The following GRM7 variants were observed in gnomAD, a reference collection of about 807,000 sequenced individuals.
GRM7 encodes the protein glutamate metabotropic receptor 7, also known as metabotropic glutamate receptor 7.
A neutral mutation model predicts 84.5 loss-of-function variants in GRM7; 35 were observed. The observed-to-expected ratio is 0.41, with a 90% CI of 0.32 to 0.55. GRM7 has a LOEUF of 0.55. Ranked by LOEUF, GRM7 falls within the 20% of genes least tolerant of loss-of-function variation. GRM7 has a pLI of 0.19. For synonymous variants in GRM7, 487 were observed against 455.1 expected (o/e 1.07, Z -0.89); for missense variants, 1,003 against 1,194.6 (o/e 0.84, Z 2.36).
chr3:7,309,194 C>G (rs1434585621), intron 4 of GRM7, among the ~76,000 whole-genome samples: 1 of 152,146 alleles, frequency 6.6e-6, no homozygotes, highest in Non-Finnish European at 1.5e-5. Flanking sequence ...ACTTTCGTAG[C>G]AGACAGAACA....
intron 4 of GRM7, among the ~76,000 whole-genome samples, chr3:7,389,848 A>G (rs1323995636): frequency 6.6e-6 from 1 of 151,980 alleles, no homozygotes; most frequent in Non-Finnish European, 1.5e-5. Flanking sequence ...TTTGCATTCA[A>G]AGTTAATATT....
rs537550842 is a variant in GRM7 at position 7,523,705 on chromosome 3, G to A, written c.1516-54717G>A. Among the ~76,000 whole-genome samples, 6 of 152,194 alleles carry A rather than the reference G, an allele frequency of 3.9e-5. No individual in the cohort carries two copies. In the East Asian group the frequency reaches 7.7e-4, roughly 20 times the overall value. ...AATCTTCAAGATCTCAACAGAGACC[G>A]TTTTAGAAAAGCTAGTCATCAAATT... On this transcript the variant is annotated intron_variant, in intron 7 of 9. Coordinates refer to ENST00000357716, the MANE Select transcript of GRM7 (RefSeq NM_000844.4).
intron 8 of GRM7, among the ~76,000 whole-genome samples, chr3:7,602,805 T>C (rs1696382346): frequency 6.6e-6 from 1 of 152,194 alleles, no homozygotes; most frequent in African/African-American, 2.4e-5. Context: ...GTTTTGTGCT[T>C]TGATGCGTCT....
chr3:7,075,496 A>ACGTGTGTG (rs1491399036), intron 1 of GRM7, among the ~76,000 whole-genome samples: 1,412 of 138,576 alleles, frequency 0.01, 51 homozygotes, highest in African/African-American at 0.035. Context: ...TGCTTCTCAG[A>ACGTGTGTG]TGTGTGTGTG....
chr3:7,519,837 G>A (rs979549125), intron 7 of GRM7: 2 of 152,256 alleles, frequency 1.3e-5, no homozygotes, highest in African/African-American at 2.4e-5. Flanking sequence ...AAAGCTGAGT[G>A]GTAGAATCAT....
At chr3:7,653,337 A>G (rs931508846) in intron 8 of GRM7, among the ~76,000 whole-genome samples, 4 of 152,090 alleles carry the variant, frequency 2.6e-5, no homozygotes, top group African/African-American at 4.8e-5. Flanking sequence ...CAGAAAATGT[A>G]TAATTCTGAT....
intron 1 of GRM7, among the ~76,000 whole-genome samples, chr3:6,864,764 A>G (rs1163775865): frequency 6.6e-6 from 1 of 152,192 alleles, no homozygotes; most frequent in Non-Finnish European, 1.5e-5. Flanking sequence ...ACTGAAGGGA[A>G]GGAGGGAGAA....
intron 2 of GRM7, among the ~76,000 whole-genome samples, chr3:7,222,445 C>A (rs141524824): frequency 2.0e-5 from 3 of 152,048 alleles, no homozygotes; most frequent in African/African-American, 7.2e-5. Flanking sequence ...GGATATCCCC[C>A]AGCTGACATT....
intron 2 of GRM7, among the ~76,000 whole-genome samples, chr3:7,268,001 A>G (rs890855364): frequency 6.6e-6 from 1 of 152,124 alleles, no homozygotes; most frequent in African/African-American, 2.4e-5. Flanking sequence ...GCTGCTCTGC[A>G]CTGGTCACAG....
At chr3:7,667,665 G>C (rs1699756838) in intron 8 of GRM7, among the ~76,000 whole-genome samples, 1 of 151,884 alleles carries the variant, frequency 6.6e-6, no homozygotes, top group South Asian at 2.1e-4. Context: ...ATTATGGAGA[G>C]ATCTGAGTTG....
In GRM7 at chr3:7,578,624, G is replaced by A. The variant is rs780911660; in HGVS notation, c.1718G>A (p.Arg573Gln). The stretch of plus-strand genomic sequence containing the variant: ...TATGACCAGAGGCCCAATGAAAATC[G>A]AACCGGATGCCAGGATATTCCCATC... ...CPYDQRPNEN[R>Q]TGCQDIPIIK... is the part of the protein sequence containing the mutation. The change falls in exon 8 of 10, where the codon CGA becomes CAA. Residue 573 changes from arginine (R) to glutamine (Q), a missense_variant. Physicochemically the swap from Arg to Gln is conservative, Grantham distance 43. This residue lies in a region of GRM7 where 910 missense variants were observed against 1,126.0 expected (regional missense o/e 0.81). Transcript: ENST00000357716. 8.1e-6 allele frequency: 13 copies of A among 1,613,838 alleles called. No homozygotes were observed. Among genetic ancestry groups the A allele is most frequent in the Admixed American group, 1.7e-5 (1 of 59,982 alleles).
In GRM7 at chr3:7,411,007, A is replaced by G. The variant is rs78101966; in HGVS notation, c.1034-4016A>G. ...CGGAGTAGCCTTTCCTGTTTCTTCC[A>G]GGTTCTGCTGGTTCCAAGCATTCCT... On this transcript the variant is annotated intron_variant, in intron 4 of 9. Transcript: ENST00000357716. Among the ~76,000 whole-genome samples the G allele has an allele frequency of 6.1e-4, 93 of 152,114 alleles. 1 individual carries two copies. In the East Asian group the frequency reaches 0.015, roughly 24 times the overall value.
rs996421328 is a variant in GRM7, at chr3:7,694,475, C to CTAAT, written c.2698+14182_2698+14185dup. On this transcript the variant is annotated intron_variant, in intron 9 of 9. Coordinates refer to ENST00000357716, the MANE Select transcript of GRM7 (RefSeq NM_000844.4). ...AGAATGTCAAGCAATCCATCTGCATCTAATTTTTGTTTGGAACAACCTGCA... is the reference window on the plus strand; with the variant it reads ...AGAATGTCAAGCAATCCATCTGCATCTAATTAATTTTTGTTTGGAACAACCTGCA... 1.1e-5 allele frequency: 7 copies of CTAAT among 661,744 alleles called. 1 individual carries two copies. The highest frequency in any genetic ancestry group is 1.4e-4 in the East Asian group (1 of 7,368). The allele number at this position is 661,744 out of a possible 1,614,324, so 41.0% of individuals were successfully genotyped here.
At chr3:7,001,438 C>T (rs1047800723) in intron 1 of GRM7, among the ~76,000 whole-genome samples, 1 of 152,158 alleles carries the variant, frequency 6.6e-6, no homozygotes, top group Non-Finnish European at 1.5e-5. Flanking sequence ...GTTAACTTTA[C>T]GTGTGGGTAA....
In GRM7 at chr3:7,649,849, C is replaced by CG. The variant is rs748641188; in HGVS notation, c.2452-30193dup. On this transcript the variant is annotated intron_variant, in intron 8 of 9. Coordinates refer to ENST00000357716, the MANE Select transcript of GRM7 (RefSeq NM_000844.4). Reference sequence around the variant, plus strand: ...AAAAAAAATAGGAAACAGGTTTGGGCGGGGGGGTACTTCTTTAACAAGAAG... The same window carrying CG: ...AAAAAAAATAGGAAACAGGTTTGGGCGGGGGGGGTACTTCTTTAACAAGAAG... Among the ~76,000 whole-genome samples, 453 of 151,180 alleles carry CG rather than the reference C, an allele frequency of 3.0e-3. 2 individuals carry two copies. The highest frequency in any genetic ancestry group is 0.01 in the African/African-American group (415 of 41,182).
intron 4 of GRM7, among the ~76,000 whole-genome samples, chr3:7,411,879 T>C (rs1480722487): frequency 6.6e-6 from 1 of 152,096 alleles, no homozygotes; most frequent in African/African-American, 2.4e-5. Context: ...TGCTGGCCTA[T>C]TTTTTAAAAT....
At chr3:7,453,124 G>A (rs1478697855) in intron 6 of GRM7, among the ~76,000 whole-genome samples, 1 of 151,550 alleles carries the variant, frequency 6.6e-6, no homozygotes, top group Non-Finnish European at 1.5e-5. Context: ...GTTGCTGTAG[G>A]TACCTCTGAA....
chr3:7,156,748 G>A (rs1274200460), intron 2 of GRM7, among the ~76,000 whole-genome samples: 3 of 152,112 alleles, frequency 2.0e-5, no homozygotes, highest in Admixed American at 1.3e-4. Context: ...TGCTGCGGAA[G>A]GGAGGAACTG....
chr3:6,885,941 T>C (rs187680445), intron 1 of GRM7, among the ~76,000 whole-genome samples: 1 of 152,252 alleles, frequency 6.6e-6, no homozygotes, highest in Non-Finnish European at 1.5e-5. Flanking sequence ...TCAAGTTAGT[T>C]TGAGTTTCTT....
Sources: gnomAD v4.1 joint callset for allele counts (sites outside exome capture counted in the v4.1 genomes callset) on GRCh38, gnomAD v4.1.1 for gene constraint, gnomAD v4.1.1 regional missense constraint, MANE v1.5 for transcripts, NCBI Gene and HGNC (gene_info 2026-07-23, HGNC 2026-07-21) for gene names.